SLC6A16: variants seen among roughly 807,000 people sequenced by gnomAD.
SLC6A16 encodes the protein orphan sodium- and chloride-dependent neurotransmitter transporter NTT5.
SLC6A16 carries 54 observed loss-of-function variants against 65.4 expected under a neutral mutation model. The ratio of observed to expected loss-of-function variants is 0.83; its 90% CI spans 0.66 to 1.04. SLC6A16 has a LOEUF of 1.04. Ranked by LOEUF, SLC6A16 falls within the 50% of genes least tolerant of loss-of-function variation. The probability of loss-of-function intolerance (pLI) is 0.00; values close to 1 mark genes in which losing one functional copy is unlikely to be tolerated. For synonymous variants in SLC6A16, 330 were observed against 346.5 expected (o/e 0.95, Z 0.53); for missense variants, 816 against 914.0 (o/e 0.89, Z 1.38).
chr19:49,333,838 T>C, the SLC6A16 span, among the ~76,000 whole-genome samples: 2 of 152,078 alleles, frequency 1.3e-5, no homozygotes, highest in Non-Finnish European at 1.5e-5. Flanking sequence ...GTGAGAGAAT[T>C]TGGGGACATC....
chr19:49,301,693 C>T (rs1970295415), intron 7 of SLC6A16, among the ~76,000 whole-genome samples: 1 of 152,164 alleles, frequency 6.6e-6, no homozygotes, highest in South Asian at 2.1e-4. Flanking sequence ...TCTCCAGGTG[C>T]CTGGCCCTCT....
At position 49,310,085 on chromosome 19, in the gene SLC6A16, C is replaced by T. The variant is rs199518492; in HGVS notation, c.655G>A (p.Val219Ile). The T allele has an allele frequency of 1.0e-4, 162 of 1,613,858 alleles. No individual in the cohort carries two copies. Among genetic ancestry groups the T allele is most frequent in the Admixed American group, 2.0e-4 (12 of 59,960 alleles). ...FYMSQSFQFP[V>I]PWEKCPLTMN... Reference sequence around the variant, plus strand: ...GTTAAGGGACATTTCTCCCATGGAACGGGAAACTGGAAGGACTGGCTCATG... The same window carrying T: ...GTTAAGGGACATTTCTCCCATGGAATGGGAAACTGGAAGGACTGGCTCATG... The change falls in exon 4 of 12, where the codon GTT becomes ATT. Residue 219 changes from valine (V) to isoleucine (I), a missense_variant. Physicochemically the swap from Val to Ile is conservative, Grantham distance 29. Coordinates refer to ENST00000335875, the MANE Select transcript of SLC6A16 (RefSeq NM_014037.3).
At position 49,290,396 on chromosome 19, in the gene SLC6A16, T is replaced by C; in HGVS notation, c.1942-4A>G. The C allele has an allele frequency of 1.2e-6, 2 of 1,607,468 alleles. No homozygotes were observed. Among genetic ancestry groups the C allele is most frequent in the Non-Finnish European group, 1.7e-6 (2 of 1,175,884 alleles). On this transcript the variant is annotated splice_region_variant and splice_polypyrimidine_tract_variant and intron_variant, in intron 11 of 11. Coordinates refer to ENST00000335875, the MANE Select transcript of SLC6A16 (RefSeq NM_014037.3). ...ATGGTCGAAGCACCTCTTTTGACTG[T>C]GGAGAGATGGGAAAAGGGTTCAGAA...
Position 49,289,895 on chromosome 19 carries a change from T to A in SLC6A16, c.*228A>T. ...ATTGTATATGTGTTGTGCATGTATGTGTGTTGAGGAAGAGGATGGGGAAAA... is the reference window on the plus strand; with the variant it reads ...ATTGTATATGTGTTGTGCATGTATGAGTGTTGAGGAAGAGGATGGGGAAAA... On this transcript the variant is annotated 3_prime_UTR_variant, in exon 12 of 12. Transcript: ENST00000335875. The A allele has an allele frequency of 1.7e-6, 1 of 571,478 alleles. No individual in the cohort carries two copies. The highest frequency in any genetic ancestry group is 3.1e-6 in the Non-Finnish European group (1 of 320,556). 35.4% of individuals were successfully genotyped at this position (571,478 alleles called of 1,614,324 possible). A position where few individuals can be genotyped will look rare whatever the true frequency, so the allele number is the denominator to read the frequency against.
At chr19:49,334,926 G>T in the SLC6A16 span, among the ~76,000 whole-genome samples, 56 of 152,106 alleles carry the variant, frequency 3.7e-4, no homozygotes, top group East Asian at 5.4e-3. Context: ...ACAGAGAGAG[G>T]GAGGATAGAG....
intron 7 of SLC6A16, among the ~76,000 whole-genome samples, chr19:49,304,743 C>A: frequency 6.6e-6 from 1 of 152,182 alleles, no homozygotes; most frequent in East Asian, 1.9e-4. Flanking sequence ...ATATATACAA[C>A]TGGAAAATGA....
At chr19:49,308,020 T>A (rs946495205) in intron 7 of SLC6A16, among the ~76,000 whole-genome samples, 1 of 151,298 alleles carries the variant, frequency 6.6e-6, no homozygotes, top group Non-Finnish European at 1.5e-5. Flanking sequence ...GTCTGTCTGA[T>A]GGATGTTTTT....
At chr19:49,337,333 T>C in the SLC6A16 span, 1 of 1,039,186 alleles carries the variant, frequency 9.6e-7, no homozygotes, top group Non-Finnish European at 1.5e-6. Flanking sequence ...CTAACCTAGA[T>C]AAAGAGAAAT....
At chr19:49,318,385 C>G (rs548286816) in intron 1 of SLC6A16, among the ~76,000 whole-genome samples, 6 of 152,056 alleles carry the variant, frequency 3.9e-5, no homozygotes, top group Non-Finnish European at 8.8e-5. Flanking sequence ...AAAAGCAACC[C>G]TTAAACAGCC....
At chr19:49,326,051 T>A (rs999108140), upstream of SLC6A16, among the ~76,000 whole-genome samples, 3 of 150,440 alleles carry the variant, frequency 2.0e-5, no homozygotes, top group East Asian at 5.8e-4. Context: ...ACACCTGTAA[T>A]CCCAGCTACT....
chr19:49,335,103 C>G, the SLC6A16 span: 1 of 167,758 alleles, frequency 6.0e-6, no homozygotes, highest in African/African-American at 2.4e-5. The surrounding 1 kb of genome is among the most constrained non-coding windows in gnomAD (Gnocchi z 4.6). Context: ...GATGGGAGAG[C>G]TTAGCAGGCC....
chr19:49,336,107 G>A, the SLC6A16 span: 1 of 406,836 alleles, frequency 2.5e-6, no homozygotes, highest in South Asian at 4.1e-5. Context: ...ATACAGCAAG[G>A]ACGTAAAAGA....
rs1970063430 is a variant in SLC6A16 at position 49,290,767 on chromosome 19, C to G, written c.1779G>C (p.Arg593Ser). Residue 593 changes from arginine to serine, a missense_variant and splice_region_variant, in exon 11 of 12, where the codon AGG (arginine) becomes AGC (serine). By Grantham distance (110) the Arg-to-Ser change is moderately radical. Coordinates refer to ENST00000335875, the MANE Select transcript of SLC6A16 (RefSeq NM_014037.3). ...MAVSWAYGARRFLADLTILLG... is the reference protein window; with the variant it reads ...MAVSWAYGARSFLADLTILLG... ...ACAGGATCGTCAGGTCTGCAAGGAA[C>G]CTGGAGAAGGGCCACCAGAGTGTGG... is the stretch of plus-strand genomic sequence containing the variant. 1 of 1,606,258 alleles carries G rather than the reference C, an allele frequency of 6.2e-7. No homozygotes were observed. Among genetic ancestry groups the G allele is most frequent in the Non-Finnish European group, 8.5e-7 (1 of 1,176,314 alleles).
At chr19:49,327,560 G>A (rs1568544305), upstream of SLC6A16, among the ~76,000 whole-genome samples, 1 of 152,158 alleles carries the variant, frequency 6.6e-6, no homozygotes, top group Non-Finnish European at 1.5e-5. Context: ...AGTCTCAGTC[G>A]GTCAATAAAT....
At position 49,311,134 on chromosome 19, in the gene SLC6A16, A is replaced by G; in HGVS notation, c.214T>C (p.Leu72=). The change falls in exon 2 of 12, where the codon TTG becomes CTG. Residue 72 remains leucine (L), a synonymous_variant. Transcript: ENST00000335875. ...AGGGCTGAGGCAGTTAACGCCTCCA[A>G]TACAGAAATTTGCTTGGGCTGACTG... ...RTSQPKQISV[L]EALTASALNQ... is the part of the protein sequence containing the mutation. 5.6e-6 allele frequency: 9 copies of G among 1,614,174 alleles called. No individual in the cohort carries two copies. The Admixed American group carries it at 1.0e-4, about 18-fold the overall frequency.
intron 2 of SLC6A16, 142 bp from the exon 3 acceptor site, chr19:49,310,652 C>T (rs1326054722): frequency 1.1e-6 from 1 of 917,682 alleles, no homozygotes; most frequent in Non-Finnish European, 1.6e-6. Context: ...CTACATCCCT[C>T]ACGGTCCCAA....
the SLC6A16 span, chr19:49,337,339 G>T: frequency 9.9e-7 from 1 of 1,007,276 alleles, no homozygotes. Flanking sequence ...TAGATAAAGA[G>T]AAATAAGAGG....
Position 49,293,388 on chromosome 19 carries a change from G to T in SLC6A16, c.1619-6C>A, listed in dbSNP as rs1970117711. 2 of 1,613,914 alleles carry T rather than the reference G, an allele frequency of 1.2e-6. No homozygotes were observed. Among genetic ancestry groups the T allele is most frequent in the Non-Finnish European group, 1.7e-6 (2 of 1,179,956 alleles). ...CATGAGCAAAAAGACTCCCACTGGAGAAAACATGAGATCTGGATCAAGGTT... is the reference window on the plus strand; with the variant it reads ...CATGAGCAAAAAGACTCCCACTGGATAAAACATGAGATCTGGATCAAGGTT... On this transcript the variant is annotated splice_region_variant and splice_polypyrimidine_tract_variant and intron_variant, in intron 9 of 11. Coordinates refer to ENST00000335875, the MANE Select transcript of SLC6A16 (RefSeq NM_014037.3).
At chr19:49,337,727 A>G in the SLC6A16 span, 1 of 1,535,848 alleles carries the variant, frequency 6.5e-7, no homozygotes, top group Admixed American at 2.0e-5. Flanking sequence ...ACGCCCTGAA[A>G]GAAGAGACAG....
Sources: allele counts gnomAD v4.1 joint callset (sites outside exome capture counted in the v4.1 genomes callset), GRCh38; gene constraint gnomAD v4.1.1; non-coding constraint Gnocchi (gnomAD v3.1); transcripts MANE v1.5; gene names NCBI Gene and HGNC (gene_info 2026-07-23, HGNC 2026-07-21).